NPNT: variants seen among roughly 807,000 people sequenced by gnomAD.
NPNT encodes nephronectin.
NPNT carries 45 observed loss-of-function variants against 68.6 expected under a neutral mutation model. That is an observed-to-expected ratio of 0.66 (90% CI 0.52 to 0.84). The LOEUF (loss-of-function observed/expected upper bound fraction) is 0.84, where lower values mean the gene tolerates loss of function less well. Ranked by LOEUF, NPNT falls within the 40% of genes least tolerant of loss-of-function variation. The pLI, the probability that NPNT is intolerant of heterozygous loss-of-function variation, is 0.00. For missense variants in NPNT, 672 were observed against 714.8 expected, an observed-to-expected ratio of 0.94 and a Z score of 0.68; for synonymous variants, 233 against 253.3, an observed-to-expected ratio of 0.92 and a Z score of 0.76.
intron 2 of NPNT, among the ~76,000 whole-genome samples, chr4:105,907,709 C>T (rs188815819): frequency 3.9e-4 from 60 of 152,176 alleles, no homozygotes; most frequent in Non-Finnish European, 4.6e-4. Context: ...GTGCAAAATA[C>T]ACCAGTTATT....
At chr4:105,968,818 G>C in intron 11 of NPNT, 77 bp from the exon 12 acceptor site, 1 of 780,098 alleles carries the variant, frequency 1.3e-6, no homozygotes, top group Non-Finnish European at 2.1e-6. Context: ...GGGAAGGTTT[G>C]CCTTTATTTT....
At chr4:105,943,211 A>G (rs917686893) in intron 8 of NPNT, among the ~76,000 whole-genome samples, 1 of 152,222 alleles carries the variant, frequency 6.6e-6, no homozygotes, top group Admixed American at 6.5e-5. Context: ...AGATCTGTGT[A>G]GGACACTATG....
At chr4:105,961,746 A>T (rs1016797899) in intron 10 of NPNT, among the ~76,000 whole-genome samples, 1 of 152,290 alleles carries the variant, frequency 6.6e-6, no homozygotes, top group South Asian at 2.1e-4. Flanking sequence ...TGCTTGAGTG[A>T]TTGGATAACT....
At position 105,952,421 on chromosome 4, in the gene NPNT, C is replaced by T. The variant is rs183476753; in HGVS notation, c.1160-6050C>T. Among the ~76,000 whole-genome samples the T allele has an allele frequency of 6.2e-4, 94 of 152,316 alleles. No homozygotes were observed. In the East Asian group the frequency reaches 0.018, roughly 29 times the overall value. ...TAAAATAGAGACCACATCATCTCAA[C>T]TTCTTTACTGTGAAAATAATGACAA... On this transcript the variant is annotated intron_variant, in intron 8 of 11. Transcript: ENST00000379987.
At chr4:105,938,707 A>G (rs960604516) in intron 5 of NPNT, among the ~76,000 whole-genome samples, 7 of 152,252 alleles carry the variant, frequency 4.6e-5, no homozygotes, top group Admixed American at 1.3e-4. Context: ...AGAAGAGCTC[A>G]GTATTCCTAG....
chr4:105,917,458 T>G (rs896725183), intron 2 of NPNT, among the ~76,000 whole-genome samples: 1 of 152,226 alleles, frequency 6.6e-6, no homozygotes, highest in Admixed American at 6.5e-5. Flanking sequence ...TCTATCTTTG[T>G]CAGGAGACTG....
chr4:105,958,059 A>G (rs1246260579), intron 8 of NPNT, among the ~76,000 whole-genome samples: 1 of 152,160 alleles, frequency 6.6e-6, no homozygotes, highest in Non-Finnish European at 1.5e-5. Context: ...AAACCAAACC[A>G]TTCGCTTCCA....
chr4:105,941,950 C>T (rs1480456484), intron 7 of NPNT, among the ~76,000 whole-genome samples: 1 of 152,042 alleles, frequency 6.6e-6, no homozygotes, highest in Admixed American at 6.6e-5. Context: ...AATGTCTCTG[C>T]ATTTTAAAAA....
At chr4:105,909,016 T>C (rs1727143983) in intron 2 of NPNT, among the ~76,000 whole-genome samples, 1 of 152,212 alleles carries the variant, frequency 6.6e-6, no homozygotes, top group South Asian at 2.1e-4. Flanking sequence ...CCAAAGTGTT[T>C]AGTGCCTCCT....
rs112258188 is a variant in NPNT at position 105,927,028 on chromosome 4, G to A, written c.173-308G>A. 3.4e-3 allele frequency: 615 copies of A among 178,500 alleles called. 4 individuals are homozygous for A. The highest frequency in any genetic ancestry group is 0.014 in the African/African-American group (586 of 42,528). The allele number at this position is 178,500 out of a possible 1,614,324, so 11.1% of individuals were successfully genotyped here. A position where few individuals can be genotyped will look rare whatever the true frequency, so the allele number is the denominator to read the frequency against. The stretch of plus-strand genomic sequence containing the variant: ...TTTGGGTGCAGGACATTATAAAGTT[G>A]TAACTATGAATAAATATCAGTTATG... On this transcript the variant is annotated intron_variant, in intron 2 of 11. Coordinates refer to ENST00000379987, the MANE Select transcript of NPNT (RefSeq NM_001033047.3).
intron 3 of NPNT, among the ~76,000 whole-genome samples, chr4:105,934,270 C>T (rs1485879997): frequency 6.6e-6 from 1 of 152,132 alleles, no homozygotes; most frequent in Non-Finnish European, 1.5e-5. Context: ...GAAAGCAGCA[C>T]ATATTAACTT....
At chr4:105,900,255 A>G (rs572298159) in intron 2 of NPNT, among the ~76,000 whole-genome samples, 1 of 152,300 alleles carries the variant, frequency 6.6e-6, no homozygotes, top group East Asian at 1.9e-4. Context: ...TTTCCTTCAA[A>G]ACAGCATAGC....
chr4:105,956,070 A>C (rs1731200827), intron 8 of NPNT, among the ~76,000 whole-genome samples: 1 of 152,124 alleles, frequency 6.6e-6, no homozygotes. Flanking sequence ...CATTTAATTT[A>C]ATATTAATAA....
Position 105,967,275 on chromosome 4 carries a change from C to T in NPNT, c.1433C>T (p.Ser478Leu). 6.2e-7 allele frequency: 1 copy of T among 1,614,040 alleles called. No homozygotes were observed. The highest frequency in any genetic ancestry group is 8.5e-7 in the Non-Finnish European group (1 of 1,180,000). ...CTACCTCTCGGCCGCCTCATGCATTCAGGGGACCTGTGCCTGTCATTCAGG... is the reference window on the plus strand; with the variant it reads ...CTACCTCTCGGCCGCCTCATGCATTTAGGGGACCTGTGCCTGTCATTCAGG... Reference protein sequence around the residue: ...LVLPLGRLMHSGDLCLSFRHK... With the variant: ...LVLPLGRLMHLGDLCLSFRHK... The change falls in exon 11 of 12, where the codon TCA becomes TTA. Residue 478 changes from serine (S) to leucine (L), a missense_variant. By Grantham distance (145) the Ser-to-Leu change is moderately radical. Transcript: ENST00000379987.
intron 2 of NPNT, among the ~76,000 whole-genome samples, chr4:105,914,416 TTATAA>T (rs940877669): frequency 2.9e-4 from 40 of 137,620 alleles, no homozygotes; most frequent in African/African-American, 1.0e-3. Context: ...ATATTATATA[TTATAA>T]TATATATATT....
intron 10 of NPNT, among the ~76,000 whole-genome samples, chr4:105,963,988 C>A (rs149568088): frequency 1.1e-4 from 17 of 152,072 alleles, no homozygotes; most frequent in African/African-American, 4.1e-4. Context: ...CTTATCGATA[C>A]TACCTTAAGA....
chr4:105,928,335 C>T (rs1458809563), intron 3 of NPNT, among the ~76,000 whole-genome samples: 1 of 152,132 alleles, frequency 6.6e-6, no homozygotes, highest in Non-Finnish European at 1.5e-5. Context: ...CATTATTGGC[C>T]TGGCGTGGTG....
intron 2 of NPNT, among the ~76,000 whole-genome samples, chr4:105,920,724 T>C (rs1728200045): frequency 6.6e-6 from 1 of 152,080 alleles, no homozygotes; most frequent in Non-Finnish European, 1.5e-5. Flanking sequence ...GGTAAATGTG[T>C]CTGAATTGGA....
chr4:105,944,920 T>G (rs11097903), intron 8 of NPNT, among the ~76,000 whole-genome samples: 140,001 of 152,288 alleles, frequency 0.92, 64,454 homozygotes, highest in East Asian at 1. Context: ...TGTGAAAACA[T>G]TAAGGAACCT....
Sources: allele counts gnomAD v4.1 joint callset (sites outside exome capture counted in the v4.1 genomes callset), GRCh38; gene constraint gnomAD v4.1.1; transcripts MANE v1.5; gene names NCBI Gene and HGNC (gene_info 2026-07-23, HGNC 2026-07-21).